EFEMP1: variants seen among roughly 807,000 people sequenced by gnomAD.
The protein encoded by EFEMP1 is EGF-like fibulin extracellular matrix protein 1.
A neutral mutation model predicts 65.7 loss-of-function variants in EFEMP1; 18 were observed. That is an observed-to-expected ratio of 0.27 (90% CI 0.19 to 0.41). The LOEUF (loss-of-function observed/expected upper bound fraction) is 0.41. Ranked by LOEUF, EFEMP1 falls within the 10% of genes least tolerant of loss-of-function variation. The pLI, the probability that EFEMP1 is intolerant of heterozygous loss-of-function variation, is 1.00. For missense variants in EFEMP1, 469 were observed against 624.8 expected (o/e 0.75, Z 2.66); for synonymous variants, 237 against 219.7 (o/e 1.08, Z -0.70).
rs1668745676 is a variant in EFEMP1, at chr2:55,870,164, T to TG, written c.1320+555dup. ...TACTGACACATACTGTGCGGGGAGGTGGGGTCACTTCTCACATACTTATAG... is the reference window on the plus strand; with the variant it reads ...TACTGACACATACTGTGCGGGGAGGTGGGGGTCACTTCTCACATACTTATAG... On this transcript the variant is annotated intron_variant, in intron 11 of 11. Coordinates refer to ENST00000355426, the MANE Select transcript of EFEMP1 (RefSeq NM_001039348.3). The surrounding 1 kb of genome is among the most constrained non-coding windows in gnomAD (Gnocchi z 5.8). 6.6e-6 allele frequency among the ~76,000 whole-genome samples: 1 copy of TG among 151,800 alleles called. No individual in the cohort carries two copies. The highest frequency in any genetic ancestry group is 1.5e-5 in the Non-Finnish European group (1 of 67,944).
intron 5 of EFEMP1, among the ~76,000 whole-genome samples, chr2:55,899,276 T>A (rs1360637171): frequency 6.6e-6 from 1 of 152,242 alleles, no homozygotes; most frequent in African/African-American, 2.4e-5. Flanking sequence ...TTGTATCATT[T>A]AATTTTTAAA....
At chr2:55,891,116 C>T (rs1669613253) in intron 5 of EFEMP1, among the ~76,000 whole-genome samples, 2 of 152,038 alleles carry the variant, frequency 1.3e-5, no homozygotes, top group African/African-American at 4.8e-5. Context: ...AGGAAAAGAT[C>T]TTGACCATGT....
At chr2:55,889,393 C>T (rs773676896) in intron 5 of EFEMP1, among the ~76,000 whole-genome samples, 68 of 152,154 alleles carry the variant, frequency 4.5e-4, no homozygotes, top group Non-Finnish European at 1.5e-4. Flanking sequence ...ACCTTTGTGC[C>T]TCTTGCCTTC....
rs552883892 is a variant in EFEMP1 at position 55,886,954 on chromosome 2, A to G, written c.518-5220T>C. The stretch of plus-strand genomic sequence containing the variant: ...ATTGAAATCTGATTTAGAAAAAAGT[A>G]TATAATATTTTATACAGATTCATAT... On this transcript the variant is annotated intron_variant, in intron 5 of 11. Transcript: ENST00000355426. The surrounding 1 kb of genome is among the most constrained non-coding windows in gnomAD (Gnocchi z 4.0). 8.5e-4 allele frequency among the ~76,000 whole-genome samples: 130 copies of G among 152,292 alleles called. No homozygotes were observed. Among genetic ancestry groups the G allele is most frequent in the African/African-American group, 3.0e-3 (123 of 41,584 alleles).
intron 5 of EFEMP1, among the ~76,000 whole-genome samples, chr2:55,904,606 G>C (rs149818913): frequency 7.1e-4 from 108 of 152,302 alleles, no homozygotes; most frequent in African/African-American, 2.5e-3. Flanking sequence ...TTCTCTTCTT[G>C]AGAGGGGACA....
rs773098696 is a variant in EFEMP1, at chr2:55,877,907, A to G, written c.641-42T>C. On this transcript the variant is annotated intron_variant, in intron 6 of 11. Transcript: ENST00000355426. This position sits in a 1 kb window ranked among gnomAD's most constrained non-coding sequence, Gnocchi z 4.5. ...ACACACAAAGAGAACCAAATTATTGAATTAGCATTCTCTGAAAAGCATTAT... is the reference window on the plus strand; with the variant it reads ...ACACACAAAGAGAACCAAATTATTGGATTAGCATTCTCTGAAAAGCATTAT... The G allele has an allele frequency of 1.2e-6, 2 of 1,609,188 alleles. No homozygotes were observed. Among genetic ancestry groups the G allele is most frequent in the Non-Finnish European group, 1.7e-6 (2 of 1,176,354 alleles).
chr2:55,906,031 T>G lies in EFEMP1; in HGVS notation c.517+11634A>C, dbSNP rs554327143. Among the ~76,000 whole-genome samples the G allele has an allele frequency of 6.6e-5, 10 of 152,306 alleles. No homozygotes were observed. The South Asian group carries it at 1.9e-3, about 28-fold the overall frequency. On this transcript the variant is annotated intron_variant, in intron 5 of 11. Coordinates refer to ENST00000355426, the MANE Select transcript of EFEMP1 (RefSeq NM_001039348.3). Reference sequence around the variant, plus strand: ...TTACAATAGTTTTGCTATTTAACATTTTTTTGAATGAGCTGTTCACTAATC... The same window carrying G: ...TTACAATAGTTTTGCTATTTAACATGTTTTTGAATGAGCTGTTCACTAATC...
At chr2:55,895,631 C>T (rs1024083253) in intron 5 of EFEMP1, among the ~76,000 whole-genome samples, 6 of 151,766 alleles carry the variant, frequency 4.0e-5, no homozygotes, top group Non-Finnish European at 5.9e-5. Context: ...AGGCTCCGCC[C>T]CCGGGGTTCA....
chr2:55,909,040 C>T (rs536072885), intron 5 of EFEMP1, among the ~76,000 whole-genome samples: 11 of 152,066 alleles, frequency 7.2e-5, no homozygotes, highest in Admixed American at 4.6e-4. Flanking sequence ...AAGCTTAAAA[C>T]GGGGACAAGG....
At chr2:55,868,788 C>T (rs1668682409) in intron 11 of EFEMP1, among the ~76,000 whole-genome samples, 1 of 152,046 alleles carries the variant, frequency 6.6e-6, no homozygotes, top group Non-Finnish European at 1.5e-5. Flanking sequence ...CCTTTTAATT[C>T]CTCATGACAC....
intron 5 of EFEMP1, among the ~76,000 whole-genome samples, chr2:55,898,946 G>A (rs1009787037): frequency 1.8e-4 from 27 of 152,282 alleles, no homozygotes; most frequent in African/African-American, 5.8e-4. Flanking sequence ...AGTACTGTAC[G>A]TATGGTAACT....
chr2:55,897,068 G>A (rs765139828), intron 5 of EFEMP1, among the ~76,000 whole-genome samples: 2 of 152,114 alleles, frequency 1.3e-5, no homozygotes, highest in Non-Finnish European at 2.9e-5. Flanking sequence ...TTGCCAAGAC[G>A]GAGGCCTGGT....
chr2:55,884,840 T>C (rs1669367936), intron 5 of EFEMP1, among the ~76,000 whole-genome samples: 1 of 152,138 alleles, frequency 6.6e-6, no homozygotes, highest in Non-Finnish European at 1.5e-5. Flanking sequence ...TGGGTGGGGA[T>C]GGGGGATCTA....
intron 5 of EFEMP1, among the ~76,000 whole-genome samples, chr2:55,910,449 TG>T (rs1413719721): frequency 2.6e-5 from 4 of 152,328 alleles, no homozygotes; most frequent in Admixed American, 1.3e-4. Flanking sequence ...GGAAAATTTT[TG>T]TTTACTCTTT....
chr2:55,916,144 C>G (rs1670672771), intron 5 of EFEMP1, among the ~76,000 whole-genome samples: 1 of 144,412 alleles, frequency 6.9e-6, no homozygotes, highest in Admixed American at 7.0e-5. Context: ...GAGTCTCACT[C>G]TGTTGCCCAG....
chr2:55,922,380 C>G lies in EFEMP1; in HGVS notation c.61G>C (p.Glu21Gln). ...TLALVKSQDTEETITYTQCTD... is the reference protein window; with the variant it reads ...TLALVKSQDTQETITYTQCTD... The stretch of plus-strand genomic sequence containing the variant: ...CTTACCGTGTACGTGATGGTTTCTT[C>G]GGTGTCCTGTGACTTGACCAGCGCC... The change falls in exon 3 of 12, where the codon GAA (glutamate) becomes CAA (glutamine). Residue 21 changes from glutamate to glutamine, a missense_variant. Physicochemically the swap from Glu to Gln is conservative, Grantham distance 29. This residue lies in a region of EFEMP1 where 66 missense variants were observed against 73.0 expected (regional missense o/e 0.90). Coordinates refer to ENST00000355426, the MANE Select transcript of EFEMP1 (RefSeq NM_001039348.3). This position sits in a 1 kb window ranked among gnomAD's most constrained non-coding sequence, Gnocchi z 5.5. 1 of 1,613,878 alleles carries G rather than the reference C, an allele frequency of 6.2e-7. No individual in the cohort carries two copies. The highest frequency in any genetic ancestry group is 8.5e-7 in the Non-Finnish European group (1 of 1,179,830).
intron 5 of EFEMP1, among the ~76,000 whole-genome samples, chr2:55,904,925 T>A (rs892385796): frequency 6.6e-6 from 1 of 151,292 alleles, no homozygotes; most frequent in South Asian, 2.1e-4. Context: ...TTCACCTAAC[T>A]GTGACAGAGA....
chr2:55,894,742 G>T (rs1669751134), intron 5 of EFEMP1, among the ~76,000 whole-genome samples: 1 of 151,598 alleles, frequency 6.6e-6, no homozygotes, highest in African/African-American at 2.4e-5. Flanking sequence ...TATAGCTGAA[G>T]GTAAATGATA....
chr2:55,908,095 C>T (rs896991704), intron 5 of EFEMP1, among the ~76,000 whole-genome samples: 6 of 152,152 alleles, frequency 3.9e-5, no homozygotes, highest in South Asian at 4.1e-4. Context: ...CTAGCTCCCC[C>T]GAGCTTCTCT....
Sources: allele counts gnomAD v4.1 joint callset (sites outside exome capture counted in the v4.1 genomes callset), GRCh38; gene constraint gnomAD v4.1.1; regional missense constraint gnomAD v4.1.1; non-coding constraint Gnocchi (gnomAD v3.1); transcripts MANE v1.5; gene names NCBI Gene and HGNC (gene_info 2026-07-23, HGNC 2026-07-21).